The following LZTS2 variants were observed in gnomAD, a reference collection of about 807,000 sequenced individuals.
LZTS2 encodes leucine zipper putative tumor suppressor 2.
Under a neutral mutation model 60.6 loss-of-function variants are expected in LZTS2, and 32 were observed. The observed-to-expected ratio is 0.53, with a 90% CI of 0.40 to 0.71. The LOEUF (loss-of-function observed/expected upper bound fraction) is 0.71. Among genes scored for constraint, LZTS2 ranks in the 30% least tolerant of loss-of-function variants. LZTS2 has a pLI of 0.00. For synonymous variants in LZTS2, 360 were observed against 393.1 expected (o/e 0.92, Z 1.00); for missense variants, 792 against 901.9 (o/e 0.88, Z 1.56).
chr10:101,007,522 C>A (rs970385059), exon 4 of LZTS2: 104 of 1,333,576 alleles, frequency 7.8e-5, no homozygotes, highest in Non-Finnish European at 9.9e-5. Flanking sequence ...TCTTCACATT[C>A]CCCCCGACCC....
rs189983001 is a variant in LZTS2, at chr10:101,003,012, T to C, written c.408+66T>C. ...AGTCCTCGCTTGGGAAACTGGAATTTAGAAGCTTATATAGAGGAAAGAGTG... is the reference window on the plus strand; with the variant it reads ...AGTCCTCGCTTGGGAAACTGGAATTCAGAAGCTTATATAGAGGAAAGAGTG... On this transcript the variant is annotated intron_variant, in intron 1 of 3. Coordinates refer to ENST00000370220, the Ensembl canonical transcript of LZTS2. 1,367 of 1,515,040 alleles carry C rather than the reference T, an allele frequency of 9.0e-4. 5 individuals carry two copies. The African/African-American group carries it at 0.015, about 17-fold the overall frequency. The allele number at this position is 1,515,040 out of a possible 1,614,324, so 93.8% of individuals were successfully genotyped here.
At chr10:100,997,423 C>T (rs1290089647), upstream of LZTS2, among the ~76,000 whole-genome samples, 1 of 152,200 alleles carries the variant, frequency 6.6e-6, no homozygotes, top group Non-Finnish European at 1.5e-5. Context: ...CCCACACACG[C>T]GTGCACAGAC....
At chr10:101,006,435 C>G in intron 3 of LZTS2, 50 bp from the exon 5 acceptor site, 2 of 1,557,102 alleles carry the variant, frequency 1.3e-6, no homozygotes, top group Non-Finnish European at 1.7e-6. Context: ...GGGCCTGTCC[C>G]CCCAGGAGAA....
At position 101,007,287 on chromosome 10, in the gene LZTS2, C is replaced by T. The variant is rs546684770; in HGVS notation, c.*119C>T. On this transcript the variant is annotated 3_prime_UTR_variant, in exon 4 of 4. Transcript: ENST00000370220. Reference sequence around the variant, plus strand: ...CTGAGGGCCCCAAAGCCACTTGTCTCCTAGGATCCAGGCCTCTGGGCTTCT... The same window carrying T: ...CTGAGGGCCCCAAAGCCACTTGTCTTCTAGGATCCAGGCCTCTGGGCTTCT... 8.4e-5 allele frequency: 120 copies of T among 1,424,886 alleles called. No individual in the cohort carries two copies. The African/African-American group carries it at 1.5e-3, about 17-fold the overall frequency. 88.3% of individuals were successfully genotyped at this position (1,424,886 alleles called of 1,614,324 possible).
chr10:101,006,235 G>A (rs11599699), intron 3 of LZTS2, among the ~76,000 whole-genome samples: 421 of 152,330 alleles, frequency 2.8e-3, no homozygotes, highest in Non-Finnish European at 4.2e-3. Flanking sequence ...GGGCTTGGTG[G>A]TACTTGCAGT....
upstream of LZTS2, chr10:100,998,769 A>T (rs533101367): frequency 6.6e-6 from 1 of 152,340 alleles, no homozygotes; most frequent in African/African-American, 2.4e-5. Flanking sequence ...GATGGTTAGG[A>T]GACTAAGTGC....
At chr10:101,003,830 C>A in exon 2 of LZTS2, 2 of 1,613,376 alleles carry the variant, frequency 1.2e-6, no homozygotes, top group South Asian at 1.1e-5. Context: ...GCTCCCCAGG[C>A]GGGCACCTGC....
At chr10:101,000,055 G>A (rs996336106) in exon 1 of LZTS2, 2 of 152,272 alleles carry the variant, frequency 1.3e-5, no homozygotes, top group Non-Finnish European at 2.9e-5. Context: ...CCACTTTCTG[G>A]AAGGGGGGCT....
exon 4 of LZTS2, chr10:101,006,864 G>T: frequency 6.5e-7 from 1 of 1,531,648 alleles, no homozygotes; most frequent in South Asian, 1.3e-5. Flanking sequence ...GGGGTTGGGG[G>T]CAGCTTGCGG....
chr10:101,005,785 C>G lies in LZTS2; in HGVS notation c.1326+70C>G, dbSNP rs1280816191. 7 of 1,438,740 alleles carry G rather than the reference C, an allele frequency of 4.9e-6. No individual in the cohort carries two copies. The Admixed American group carries it at 8.1e-5, about 17-fold the overall frequency. 89.1% of individuals were successfully genotyped at this position (1,438,740 alleles called of 1,614,324 possible). A position where few individuals can be genotyped will look rare whatever the true frequency, so the allele number is the denominator to read the frequency against. ...AAACCCTGGAAAAAGGGGCCCAGCC[C>G]CACCCTCCCTCAGCCTGCCACCCCC... is the stretch of plus-strand genomic sequence containing the variant. On this transcript the variant is annotated intron_variant, in intron 3 of 3. Transcript: ENST00000370220.
exon 2 of LZTS2, chr10:101,003,934 G>C: frequency 1.9e-6 from 3 of 1,611,668 alleles, no homozygotes; most frequent in South Asian, 1.1e-5. Context: ...TCCTCCTCCA[G>C]CAAGAGCACA....
exon 1 of LZTS2, chr10:101,002,672 C>T (rs142034633): frequency 2.1e-4 from 336 of 1,609,154 alleles, no homozygotes; most frequent in Non-Finnish European, 2.8e-4. Flanking sequence ...CCAGCTCCTC[C>T]CCGCCACCAC....
In LZTS2 at chr10:101,007,159, T is replaced by C; in HGVS notation, c.2001T>C (p.Thr667=). 3 of 1,584,736 alleles carry C rather than the reference T, an allele frequency of 1.9e-6. No individual in the cohort carries two copies. In the East Asian group the frequency reaches 6.7e-5, roughly 36 times the overall value. ...TCTGCCTGGAGGAGATCACTGCTAC[T>C]GAGATCTAGGGCCCTCAGCAACCAG... The change falls in exon 4 of 4, where the codon ACT becomes ACC. Residue 667 remains threonine, a synonymous_variant. Transcript: ENST00000370220.
chr10:101,002,992 T>C (rs757317580), intron 1 of LZTS2, 46 bp downstream of exon 2: 10 of 1,541,888 alleles, frequency 6.5e-6, no homozygotes, highest in Non-Finnish European at 8.7e-6. Flanking sequence ...ACGGGAGTCC[T>C]CGCTTGGGAA....
Position 101,004,854 on chromosome 10 carries a change from A to T in LZTS2, c.1069-604A>T, listed in dbSNP as rs575588651. ...TATATAAATGCTTGCCTTTTTTAAAATTTTTTATTATTTTTTATTTTTAGT... is the reference window on the plus strand; with the variant it reads ...TATATAAATGCTTGCCTTTTTTAAATTTTTTTATTATTTTTTATTTTTAGT... On this transcript the variant is annotated intron_variant, in intron 2 of 3. Coordinates refer to ENST00000370220, the Ensembl canonical transcript of LZTS2. Among the ~76,000 whole-genome samples, 4 of 152,146 alleles carry T rather than the reference A, an allele frequency of 2.6e-5. No individual in the cohort carries two copies. The East Asian group carries it at 5.8e-4, about 22-fold the overall frequency.
At chr10:101,003,096 G>A in intron 1 of LZTS2, 150 bp downstream of exon 2, 2 of 1,024,468 alleles carry the variant, frequency 2.0e-6, no homozygotes, top group Non-Finnish European at 2.7e-6. Flanking sequence ...TTCTGGATGT[G>A]TGACCTCAGG....
rs201274462 is a variant in LZTS2 at position 101,006,935 on chromosome 10, C to T, written c.1777C>T (p.Arg593Trp). The T allele has an allele frequency of 1.1e-3, 1,739 of 1,537,368 alleles. 6 individuals carry two copies. The highest frequency in any genetic ancestry group is 1.1e-3 in the South Asian group (89 of 83,072). ...GGAGCGGCGGCGGGGTGAGGAGCAG[C>T]GGGACAGCTTTGAGGGGGAGCGGCT... is the stretch of plus-strand genomic sequence containing the variant. The change falls in exon 4 of 4, where the codon CGG becomes TGG. Residue 593 changes from arginine to tryptophan, a missense_variant. Arg to Trp is a moderately radical substitution (Grantham distance 101, BLOSUM62 -3). Transcript: ENST00000370220.
chr10:101,001,237 C>G (rs1852030796), exon 1 of LZTS2: 1 of 152,286 alleles, frequency 6.6e-6, no homozygotes, highest in South Asian at 2.1e-4. Context: ...ACCACAAATT[C>G]ACTTGTTAGA....
exon 4 of LZTS2, chr10:101,007,087 G>A (rs1345102943): frequency 1.2e-5 from 20 of 1,610,300 alleles, no homozygotes; most frequent in Non-Finnish European, 1.4e-5. Flanking sequence ...TGGAGCTGGA[G>A]GCCCGGGAGC....
Sources: allele counts gnomAD v4.1 joint callset (sites outside exome capture counted in the v4.1 genomes callset), GRCh38; gene constraint gnomAD v4.1.1; transcripts MANE v1.5; gene names NCBI Gene and HGNC (gene_info 2026-07-23, HGNC 2026-07-21).